Variants in KIF13A observed in about 807,000 individuals in gnomAD.
KIF13A encodes the protein kinesin family member 13A.
Under a neutral mutation model 212.2 loss-of-function variants are expected in KIF13A, and 79 were observed. That is an observed-to-expected ratio of 0.37 (90% confidence interval 0.31 to 0.45). The LOEUF (loss-of-function observed/expected upper bound fraction) is 0.45. KIF13A is among the 20% of genes least tolerant of loss of function. KIF13A has a pLI of 1.00. For synonymous variants in KIF13A, 789 were observed against 808.6 expected (o/e 0.98, Z 0.41); for missense variants, 1,901 against 2,209.0 (o/e 0.86, Z 2.79).
intron 16 of KIF13A, among the ~76,000 whole-genome samples, chr6:17,824,534 C>CACTTTG (rs1764767771): frequency 1.3e-5 from 2 of 151,860 alleles, no homozygotes; most frequent in Non-Finnish European, 2.9e-5. Flanking sequence ...CCAAGACAGG[C>CACTTTG]GGATCACGAG....
intron 3 of KIF13A, among the ~76,000 whole-genome samples, chr6:17,877,078 G>A (rs774889528): frequency 1.4e-5 from 2 of 141,776 alleles, no homozygotes; most frequent in African/African-American, 2.6e-5. Context: ...GATCTCGCAG[G>A]GAAACAGGCA....
At chr6:17,956,305 C>T (rs1172684493) in intron 2 of KIF13A, among the ~76,000 whole-genome samples, 5 of 152,176 alleles carry the variant, frequency 3.3e-5, no homozygotes, top group African/African-American at 1.2e-4. Flanking sequence ...TGTTATTAGA[C>T]TCAACAATAG....
intron 2 of KIF13A, among the ~76,000 whole-genome samples, chr6:17,920,601 C>T (rs540049067): frequency 2.0e-4 from 31 of 152,130 alleles, no homozygotes; most frequent in African/African-American, 5.6e-4. Flanking sequence ...CGGCTGGGTG[C>T]GGTGGCTCAC....
rs372982477 is a variant in KIF13A, at chr6:17,768,719, T to A, written c.4581+2395A>T. Among the ~76,000 whole-genome samples the A allele has an allele frequency of 6.6e-6, 1 of 152,250 alleles. No individual in the cohort carries two copies. Among genetic ancestry groups the A allele is most frequent in the South Asian group, 2.1e-4 (1 of 4,834 alleles). ...AAGTTGCTCAACAATTCTAACCCTT[T>A]GCTTCTTCTTCTGTAAACCAGAGGA... On this transcript the variant is annotated intron_variant, in intron 38 of 38. Transcript: ENST00000259711. This position sits in a 1 kb window ranked among gnomAD's most constrained non-coding sequence, Gnocchi z 5.4.
chr6:17,872,905 G>A lies in KIF13A; in HGVS notation c.220+472C>T, dbSNP rs909910796. Reference sequence around the variant, plus strand: ...CCCACCTCGGCCTCCCAAAGTGCTGGGATTACAGATGTGAGCCACCATGCC... The same window carrying A: ...CCCACCTCGGCCTCCCAAAGTGCTGAGATTACAGATGTGAGCCACCATGCC... On this transcript the variant is annotated intron_variant, in intron 4 of 38. Coordinates refer to ENST00000259711, the MANE Select transcript of KIF13A (RefSeq NM_022113.6). The surrounding 1 kb of genome is among the most constrained non-coding windows in gnomAD (Gnocchi z 4.7). 3.9e-5 allele frequency among the ~76,000 whole-genome samples: 6 copies of A among 151,976 alleles called. No homozygotes were observed. Among genetic ancestry groups the A allele is most frequent in the Non-Finnish European group, 7.4e-5 (5 of 68,010 alleles).
At chr6:17,807,431 G>A (rs1763060464) in intron 18 of KIF13A, among the ~76,000 whole-genome samples, 1 of 152,042 alleles carries the variant, frequency 6.6e-6, no homozygotes, top group African/African-American at 2.4e-5. Flanking sequence ...ATACGCCCTG[G>A]TCTCCTGCAG....
chr6:17,764,732 T>C lies in KIF13A; in HGVS notation c.4796A>G (p.Tyr1599Cys). 1 of 1,613,052 alleles carries C rather than the reference T, an allele frequency of 6.2e-7. No homozygotes were observed. Among genetic ancestry groups the C allele is most frequent in the Non-Finnish European group, 8.5e-7 (1 of 1,179,442 alleles). Residue 1599 changes from tyrosine (Y) to cysteine (C), a missense_variant, in exon 39 of 39, where the codon TAC (tyrosine) becomes TGC (cysteine). Physicochemically the swap from Tyr to Cys is radical, Grantham distance 194. Around this residue, in one of 5 missense-constraint regions of KIF13A, gnomAD observed 687 missense variants for 759.1 expected, o/e 0.90. Coordinates refer to ENST00000259711, the MANE Select transcript of KIF13A (RefSeq NM_022113.6). The surrounding 1 kb of genome is among the most constrained non-coding windows in gnomAD (Gnocchi z 5.1). ...GGCATTGGAGGCACTGTGGGAAAAG[T>C]AGCCACTGGTAATACTGCTGGTGGT... ...SPTTSSITSG[Y>C]FSHSASNATL...
intron 2 of KIF13A, among the ~76,000 whole-genome samples, chr6:17,901,225 G>A (rs1773036595): frequency 6.6e-6 from 1 of 152,014 alleles, no homozygotes; most frequent in Admixed American, 6.6e-5. Context: ...AAACTCTAGA[G>A]GCTATATGTC....
chr6:17,931,048 G>A (rs1345829080), intron 2 of KIF13A, among the ~76,000 whole-genome samples: 4 of 152,126 alleles, frequency 2.6e-5, no homozygotes, highest in Non-Finnish European at 5.9e-5. Context: ...TCTTTCATGG[G>A]AAAACACCAC....
chr6:17,985,925 T>C (rs940926973), intron 2 of KIF13A, among the ~76,000 whole-genome samples: 2 of 152,224 alleles, frequency 1.3e-5, no homozygotes, highest in African/African-American at 4.8e-5. Flanking sequence ...TAAAAACTGC[T>C]ATGCTCAACA....
At chr6:17,854,494 TTACC>T (rs903472818) in intron 6 of KIF13A, among the ~76,000 whole-genome samples, 2 of 151,746 alleles carry the variant, frequency 1.3e-5, no homozygotes, top group Non-Finnish European at 2.9e-5. Context: ...TTCTTACACC[TTACC>T]TATTTTTCAA....
downstream of KIF13A, chr6:17,760,321 C>T (rs1405105529): frequency 6.6e-6 from 1 of 152,256 alleles, no homozygotes; most frequent in African/African-American, 2.4e-5. Context: ...AAGAGATCGC[C>T]CAAGTTGCTT....
intron 2 of KIF13A, among the ~76,000 whole-genome samples, chr6:17,921,490 T>C (rs1455864804): frequency 6.6e-6 from 1 of 152,252 alleles, no homozygotes; most frequent in Non-Finnish European, 1.5e-5. Flanking sequence ...AACCCCTTAG[T>C]ACAATCTTTC....
rs192898717 is a variant in KIF13A at position 17,805,211 on chromosome 6, A to C, written c.2304+264T>G. On this transcript the variant is annotated intron_variant, in intron 19 of 38. Transcript: ENST00000259711. The stretch of plus-strand genomic sequence containing the variant: ...CTTCTTTTCACTTGAAATGTAGTAA[A>C]CATGAAGCCAAATAAGAATCTACTA... Among the ~76,000 whole-genome samples the C allele has an allele frequency of 3.9e-5, 6 of 152,330 alleles. No homozygotes were observed. In the East Asian group the frequency reaches 1.2e-3, roughly 29 times the overall value.
chr6:17,850,196 C>T lies in KIF13A; in HGVS notation c.717+127G>A. 1 of 871,612 alleles carries T rather than the reference C, an allele frequency of 1.1e-6. No individual in the cohort carries two copies. Among genetic ancestry groups the T allele is most frequent in the East Asian group, 2.8e-5 (1 of 36,308 alleles). The allele number at this position is 871,612 out of a possible 1,614,324, so 54.0% of individuals were successfully genotyped here. A position where few individuals can be genotyped will look rare whatever the true frequency, so the allele number is the denominator to read the frequency against. On this transcript the variant is annotated intron_variant, in intron 8 of 38. Transcript: ENST00000259711. The surrounding 1 kb of genome is among the most constrained non-coding windows in gnomAD (Gnocchi z 6.2). ...AAATTAAATGATAAGCAAAGTAGCTCACCTAGTAAGCAGAAGAGCCAACAT... is the reference window on the plus strand; with the variant it reads ...AAATTAAATGATAAGCAAAGTAGCTTACCTAGTAAGCAGAAGAGCCAACAT...
chr6:17,768,970 G>C lies in KIF13A; in HGVS notation c.4581+2144C>G, dbSNP rs1337204501. ...TGCTTAAAGAATCAAGCATAGCCAT[G>C]TTTACTATATTTTATGTGAAATTAC... On this transcript the variant is annotated intron_variant, in intron 38 of 38. Transcript: ENST00000259711. This position sits in a 1 kb window ranked among gnomAD's most constrained non-coding sequence, Gnocchi z 5.4. Among the ~76,000 whole-genome samples the C allele has an allele frequency of 6.7e-6, 1 of 150,080 alleles. No individual in the cohort carries two copies. Among genetic ancestry groups the C allele is most frequent in the Admixed American group, 6.6e-5 (1 of 15,116 alleles).
intron 2 of KIF13A, among the ~76,000 whole-genome samples, chr6:17,985,640 T>G (rs113231469): frequency 0.081 from 3,211 of 39,870 alleles, 129 homozygotes; most frequent in Middle Eastern, 0.089. Context: ...TGCGGGGGGG[T>G]GGGGGGAGGG....
chr6:17,803,183 C>T (rs1256282488), intron 20 of KIF13A, among the ~76,000 whole-genome samples: 1 of 152,102 alleles, frequency 6.6e-6, no homozygotes, highest in Non-Finnish European at 1.5e-5. Context: ...ATCCACCTGC[C>T]TCTGCCTCCC....
intron 7 of KIF13A, among the ~76,000 whole-genome samples, 187 bp downstream of exon 7, chr6:17,851,768 C>T (rs1169661903): frequency 6.6e-6 from 1 of 152,254 alleles, no homozygotes; most frequent in East Asian, 1.9e-4. Context: ...ACCTTCACAA[C>T]AAAGCAGCTT....
Sources: gnomAD v4.1 joint callset for allele counts (sites outside exome capture counted in the v4.1 genomes callset) on GRCh38, gnomAD v4.1.1 for gene constraint, gnomAD v4.1.1 regional missense constraint, Gnocchi (gnomAD v3.1) non-coding constraint, MANE v1.5 for transcripts, NCBI Gene and HGNC (gene_info 2026-07-23, HGNC 2026-07-21) for gene names.